Variants in TRAM1 observed in about 807,000 individuals in gnomAD.
TRAM1 encodes the protein translocating chain-associated membrane protein 1.
Under a neutral mutation model 48.7 loss-of-function variants are expected in TRAM1, and 17 were observed. The ratio of observed to expected loss-of-function variants is 0.35; its 90% CI spans 0.24 to 0.52. TRAM1 has a LOEUF of 0.52. Ranked by LOEUF, TRAM1 falls within the 20% of genes least tolerant of loss-of-function variation. The probability of loss-of-function intolerance (pLI) is 0.94; values close to 1 mark genes in which losing one functional copy is unlikely to be tolerated. For missense variants in TRAM1, 351 were observed against 441.5 expected, an observed-to-expected ratio of 0.79 and a Z score of 1.84; for synonymous variants, 182 against 154.0, an observed-to-expected ratio of 1.18 and a Z score of -1.34.
intron 6 of TRAM1, among the ~76,000 whole-genome samples, 156 bp from the exon 7 acceptor site, chr8:70,587,332 C>T (rs1468572302): frequency 6.6e-6 from 1 of 152,096 alleles, no homozygotes; most frequent in Admixed American, 6.6e-5. Context: ...GGATTTCAGG[C>T]GTGACCCACT....
At chr8:70,597,350 T>C (rs1817510366) in intron 4 of TRAM1, among the ~76,000 whole-genome samples, 5 of 152,128 alleles carry the variant, frequency 3.3e-5, no homozygotes, top group Admixed American at 3.3e-4. Flanking sequence ...TTTTTGCTGA[T>C]ACAGAGGTAT....
Position 70,583,904 on chromosome 8 carries a change from T to C in TRAM1, c.747-111A>G, listed in dbSNP as rs111269851. On this transcript the variant is annotated intron_variant, in intron 8 of 10. Coordinates refer to ENST00000262213, the MANE Select transcript of TRAM1 (RefSeq NM_014294.6). ...GGCAGACGCCTGTAATCCCAGCTAC[T>C]TGGGAGGCTGAGGCAGGAGAATTGC... The C allele has an allele frequency of 3.9e-3, 4,981 of 1,262,620 alleles. 141 individuals carry two copies. The African/African-American group carries it at 0.071, about 18-fold the overall frequency. The allele number at this position is 1,262,620 out of a possible 1,614,324, so 78.2% of individuals were successfully genotyped here. A position where few individuals can be genotyped will look rare whatever the true frequency, so the allele number is the denominator to read the frequency against.
intron 6 of TRAM1, among the ~76,000 whole-genome samples, chr8:70,591,435 C>A (rs1038770247): frequency 1.3e-5 from 2 of 152,144 alleles, no homozygotes; most frequent in African/African-American, 4.8e-5. Flanking sequence ...TTGCCTAGCA[C>A]CAGCACAATG....
chr8:70,598,012 C>A lies in TRAM1; in HGVS notation c.310-1G>T. 6.4e-7 allele frequency: 1 copy of A among 1,574,450 alleles called. No individual in the cohort carries two copies. The highest frequency in any genetic ancestry group is 8.6e-7 in the Non-Finnish European group (1 of 1,159,596). On this transcript the variant is annotated splice_acceptor_variant, in intron 3 of 10. Coordinates refer to ENST00000262213, the MANE Select transcript of TRAM1 (RefSeq NM_014294.6). LOFTEE classifies it high-confidence loss of function. The stretch of plus-strand genomic sequence containing the variant: ...AGAAGTGCATTCGCCTGTTAATTTT[C>A]TAAAAATAAAAACAGCCATTAGTAA...
At chr8:70,596,353 A>G in intron 4 of TRAM1, 32 bp from the exon 5 acceptor site, 1 of 1,514,106 alleles carries the variant, frequency 6.6e-7, no homozygotes, top group Non-Finnish European at 9.0e-7. Context: ...TTAACCTGTG[A>G]GCATAATGCA....
intron 10 of TRAM1, 39 bp downstream of exon 10, chr8:70,583,125 C>G (rs765791164): frequency 6.4e-7 from 1 of 1,570,318 alleles, no homozygotes; most frequent in South Asian, 1.2e-5. Flanking sequence ...TAAAAGTTTT[C>G]TACTTCCATG....
At chr8:70,599,841 T>C (rs1253447205) in intron 2 of TRAM1, among the ~76,000 whole-genome samples, 178 bp downstream of exon 2, 1 of 152,152 alleles carries the variant, frequency 6.6e-6, no homozygotes, top group East Asian at 1.9e-4. Context: ...ATATACAGGG[T>C]AAAGTCAATC....
chr8:70,597,535 T>G (rs1207410894), intron 4 of TRAM1, among the ~76,000 whole-genome samples: 2 of 151,610 alleles, frequency 1.3e-5, no homozygotes, highest in African/African-American at 4.8e-5. Context: ...CTGGGCGTGG[T>G]GGCGTGCGTC....
Position 70,585,437 on chromosome 8 carries a change from A to C in TRAM1, c.746+1458T>G, listed in dbSNP as rs1448067586. Among the ~76,000 whole-genome samples, 9 of 152,204 alleles carry C rather than the reference A, an allele frequency of 5.9e-5. No individual in the cohort carries two copies. In the East Asian group the frequency reaches 1.5e-3, roughly 26 times the overall value. On this transcript the variant is annotated intron_variant, in intron 8 of 10. Transcript: ENST00000262213. ...CAAAATAGACAAATGGGATCTAATT[A>C]AACTAAAGAGCTCTGCACAGCAAAA...
At chr8:70,607,621 C>T (rs544422501) in intron 1 of TRAM1, 537 of 397,478 alleles carry the variant, frequency 1.4e-3, no homozygotes, top group Non-Finnish European at 1.6e-3. Context: ...CTCGGCCTTC[C>T]CCGGCCCTCG....
chr8:70,600,186 A>C, intron 1 of TRAM1, 104 bp from the exon 2 acceptor site: 1 of 838,634 alleles, frequency 1.2e-6, no homozygotes, highest in South Asian at 1.5e-5. Context: ...CGAAGCACCA[A>C]GGGCCTCCTC....
At chr8:70,599,981 T>G in intron 2 of TRAM1, 38 bp downstream of exon 2, 2 of 1,565,960 alleles carry the variant, frequency 1.3e-6, no homozygotes, top group Non-Finnish European at 1.8e-6. Context: ...CAACTGAACT[T>G]CTATTTACGT....
At chr8:70,589,469 C>T (rs1423743738) in intron 6 of TRAM1, among the ~76,000 whole-genome samples, 2 of 152,134 alleles carry the variant, frequency 1.3e-5, no homozygotes, top group East Asian at 1.9e-4. Flanking sequence ...GCCAGTGTTT[C>T]CCAGTGTGGT....
At chr8:70,582,880 C>T (rs1487866412) in intron 10 of TRAM1, among the ~76,000 whole-genome samples, 1 of 152,088 alleles carries the variant, frequency 6.6e-6, no homozygotes, top group African/African-American at 2.4e-5. Flanking sequence ...TTAGTTTAAA[C>T]CTGCCCATAA....
At chr8:70,577,059 T>A (rs111881364) in intron 10 of TRAM1, among the ~76,000 whole-genome samples, 5 of 152,218 alleles carry the variant, frequency 3.3e-5, no homozygotes, top group African/African-American at 1.2e-4. Context: ...GGGACATATT[T>A]CAGCCTTGTT....
At chr8:70,590,203 T>A (rs1006191212) in intron 6 of TRAM1, among the ~76,000 whole-genome samples, 1 of 122,232 alleles carries the variant, frequency 8.2e-6, no homozygotes, top group Admixed American at 7.7e-5. Context: ...CTTAGGAGGA[T>A]TTTTTTTTTT....
intron 10 of TRAM1, among the ~76,000 whole-genome samples, chr8:70,576,080 GAAAA>G (rs1554532119): frequency 1.2e-5 from 1 of 81,046 alleles, no homozygotes; most frequent in Admixed American, 1.4e-4. Context: ...AAAAAAAAAA[GAAAA>G]AAAAAAAAAA....
At chr8:70,603,288 T>A (rs1479080553) in intron 1 of TRAM1, among the ~76,000 whole-genome samples, 3 of 130,626 alleles carry the variant, frequency 2.3e-5, no homozygotes, top group Non-Finnish European at 4.7e-5. Context: ...ATATACACAC[T>A]ATATATATGT....
chr8:70,575,772 CAT>C (rs1346855014), intron 10 of TRAM1, among the ~76,000 whole-genome samples: 1 of 152,000 alleles, frequency 6.6e-6, no homozygotes, highest in Non-Finnish European at 1.5e-5. Context: ...ATGAAAAAGA[CAT>C]ATTGAAACCT....
Sources: gnomAD v4.1 joint callset for allele counts (sites outside exome capture counted in the v4.1 genomes callset) on GRCh38, gnomAD v4.1.1 for gene constraint, MANE v1.5 for transcripts, NCBI Gene and HGNC (gene_info 2026-07-23, HGNC 2026-07-21) for gene names.